The following FAM110B variants were observed in gnomAD, a reference collection of about 807,000 sequenced individuals.
The protein encoded by FAM110B is protein FAM110B.
In FAM110B, 6 loss-of-function variants were observed where a neutral mutation model predicts 20.4. The observed-to-expected ratio is 0.29, with a 90% CI of 0.16 to 0.58. FAM110B has a LOEUF of 0.58. FAM110B is among the 20% of genes least tolerant of loss of function. The pLI, the probability that FAM110B is intolerant of heterozygous loss-of-function variation, is 0.90. For synonymous variants in FAM110B, 226 were observed against 214.1 expected (o/e 1.06, Z -0.49); for missense variants, 434 against 498.2 (o/e 0.87, Z 1.23).
At chr8:58,142,721 T>C (rs946174376) in intron 3 of FAM110B, among the ~76,000 whole-genome samples, 3 of 152,244 alleles carry the variant, frequency 2.0e-5, no homozygotes, top group Admixed American at 6.5e-5. Flanking sequence ...CAGGGTAGAA[T>C]GTAGCCAAGA....
At chr8:58,008,277 C>T (rs1044465506) in intron 1 of FAM110B, among the ~76,000 whole-genome samples, 7 of 151,872 alleles carry the variant, frequency 4.6e-5, no homozygotes, top group Non-Finnish European at 5.9e-5. Context: ...GGATTACAGG[C>T]GCCTCCCACC....
At chr8:58,015,593 C>T (rs1334850455) in intron 1 of FAM110B, among the ~76,000 whole-genome samples, 2 of 151,942 alleles carry the variant, frequency 1.3e-5, no homozygotes, top group Admixed American at 6.6e-5. Context: ...TGCCTGTAAT[C>T]TCAGCACTTT....
chr8:58,035,537 T>TC (rs1805060520), intron 2 of FAM110B, among the ~76,000 whole-genome samples: 2 of 152,204 alleles, frequency 1.3e-5, no homozygotes, highest in African/African-American at 4.8e-5. Context: ...TAAGTCACCT[T>TC]AGAAAGTGAA....
chr8:58,140,247 C>T (rs915641034), intron 3 of FAM110B, among the ~76,000 whole-genome samples: 5 of 152,120 alleles, frequency 3.3e-5, no homozygotes, highest in African/African-American at 9.7e-5. Flanking sequence ...TTCAGCCCAG[C>T]GTGCCTCTTA....
At chr8:58,085,841 A>G (rs1035007052) in intron 3 of FAM110B, among the ~76,000 whole-genome samples, 5 of 152,196 alleles carry the variant, frequency 3.3e-5, no homozygotes, top group Non-Finnish European at 7.3e-5. Context: ...TCACACACGG[A>G]GCTCTAGCCT....
At chr8:58,011,423 A>G (rs547357602) in intron 1 of FAM110B, among the ~76,000 whole-genome samples, 1 of 152,312 alleles carries the variant, frequency 6.6e-6, no homozygotes, top group South Asian at 2.1e-4. Context: ...ATGCTTTTAG[A>G]GACTGCGCAG....
At chr8:58,042,079 A>G (rs2150577094) in intron 2 of FAM110B, among the ~76,000 whole-genome samples, 1 of 152,368 alleles carries the variant, frequency 6.6e-6, no homozygotes, top group African/African-American at 2.4e-5. Context: ...CTGTTTTCAT[A>G]AGACATAGAA....
intron 3 of FAM110B, among the ~76,000 whole-genome samples, chr8:58,128,663 A>G (rs1460053297): frequency 6.6e-6 from 1 of 152,206 alleles, no homozygotes; most frequent in African/African-American, 2.4e-5. Flanking sequence ...TTTGCCCTGC[A>G]AGTGGGGGAA....
rs752411132 is a variant in FAM110B, at chr8:58,146,504, G to A, written c.274G>A (p.Ala92Thr). Residue 92 changes from alanine to threonine, a missense_variant, in exon 4 of 4, where the codon GCA (alanine) becomes ACA (threonine). Around this residue, in one of 3 missense-constraint regions of FAM110B, gnomAD observed 284 missense variants for 278.3 expected, o/e 1.02. Coordinates refer to ENST00000519262, the MANE Select transcript of FAM110B (RefSeq NM_001377989.1). Reference sequence around the variant, plus strand: ...CCCGGTGTGCCCGGCTGCCAAGCGCGCACTGGGCAGCCCCACGCTCAAAGT... The same window carrying A: ...CCCGGTGTGCCCGGCTGCCAAGCGCACACTGGGCAGCCCCACGCTCAAAGT... ...KPPVCPAAKR[A>T]LGSPTLKVFG... 2 of 1,613,832 alleles carry A rather than the reference G, an allele frequency of 1.2e-6. No individual in the cohort carries two copies. Among genetic ancestry groups the A allele is most frequent in the Non-Finnish European group, 1.7e-6 (2 of 1,179,892 alleles).
intron 2 of FAM110B, among the ~76,000 whole-genome samples, chr8:58,053,092 A>T (rs1317377965): frequency 6.6e-6 from 1 of 152,120 alleles, no homozygotes; most frequent in African/African-American, 2.4e-5. Flanking sequence ...GCCGAGAGTG[A>T]TGGACTCTTA....
intron 2 of FAM110B, among the ~76,000 whole-genome samples, chr8:58,047,317 A>G (rs1220628940): frequency 2.0e-5 from 3 of 152,172 alleles, no homozygotes; most frequent in African/African-American, 7.2e-5. Context: ...GGTAAATATT[A>G]AGTACCTGAA....
chr8:58,055,148 A>G (rs1010219711), intron 2 of FAM110B, among the ~76,000 whole-genome samples: 2 of 152,166 alleles, frequency 1.3e-5, no homozygotes, highest in African/African-American at 4.8e-5. Flanking sequence ...GAGGACATCA[A>G]CCCAGGGCAG....
chr8:58,113,482 A>G (rs530776155), intron 3 of FAM110B: 14 of 191,570 alleles, frequency 7.3e-5, no homozygotes, highest in South Asian at 2.2e-4. Flanking sequence ...TCAGATGAGC[A>G]TGGATCAAAC....
chr8:58,063,948 G>T (rs117489241), intron 2 of FAM110B, among the ~76,000 whole-genome samples: 1 of 152,134 alleles, frequency 6.6e-6, no homozygotes. Context: ...ATGGTTCTGC[G>T]GGCTGTACAG....
Position 58,144,444 on chromosome 8 carries a change from C to T in FAM110B, c.-324-1463C>T, listed in dbSNP as rs1803812739. Among the ~76,000 whole-genome samples, 4 of 152,082 alleles carry T rather than the reference C, an allele frequency of 2.6e-5. No homozygotes were observed. In the South Asian group the frequency reaches 8.3e-4, roughly 32 times the overall value. ...AAATTGAGGTATCAAAATAGAACCG[C>T]ACAATTAAAGGAAATTGTTAATGTA... On this transcript the variant is annotated intron_variant, in intron 3 of 3. Transcript: ENST00000519262.
At chr8:58,012,240 T>A (rs1466121267) in intron 1 of FAM110B, among the ~76,000 whole-genome samples, 1 of 152,030 alleles carries the variant, frequency 6.6e-6, no homozygotes, top group Non-Finnish European at 1.5e-5. Flanking sequence ...TACTATAATT[T>A]TAATTTTCTG....
intron 3 of FAM110B, among the ~76,000 whole-genome samples, chr8:58,122,571 T>G (rs1442886824): frequency 1.3e-5 from 2 of 152,208 alleles, no homozygotes; most frequent in Admixed American, 6.5e-5. Context: ...ATTGAATCTT[T>G]AAATTTTAAG....
At chr8:58,007,036 T>A (rs1804425828) in intron 1 of FAM110B, among the ~76,000 whole-genome samples, 1 of 151,800 alleles carries the variant, frequency 6.6e-6, no homozygotes, top group South Asian at 2.1e-4. Context: ...GTGCCTACAA[T>A]GTGCCAGGCA....
chr8:58,141,617 TAA>T (rs1803745185), intron 3 of FAM110B, among the ~76,000 whole-genome samples: 1 of 152,266 alleles, frequency 6.6e-6, no homozygotes, highest in Non-Finnish European at 1.5e-5. Context: ...ACTTAAAATT[TAA>T]AGACTAATTA....
Sources: gnomAD v4.1 joint callset for allele counts (sites outside exome capture counted in the v4.1 genomes callset) on GRCh38, gnomAD v4.1.1 for gene constraint, gnomAD v4.1.1 regional missense constraint, MANE v1.5 for transcripts, NCBI Gene and HGNC (gene_info 2026-07-23, HGNC 2026-07-21) for gene names.